Variants in RNF32 observed in about 807,000 individuals in gnomAD.
The protein encoded by RNF32 is ring finger protein 32.
Under a neutral mutation model 41.0 loss-of-function variants are expected in RNF32, and 36 were observed. The ratio of observed to expected loss-of-function variants is 0.88; its 90% CI spans 0.67 to 1.16. The LOEUF is 1.16. RNF32 is among the 50% of genes most tolerant of loss of function. RNF32 has a pLI of 0.00. For missense variants in RNF32, 413 were observed against 436.7 expected (o/e 0.95, Z 0.48); for synonymous variants, 154 against 160.9 (o/e 0.96, Z 0.32).
Position 156,644,402 on chromosome 7 carries a change from T to C in RNF32, c.16-97T>C, listed in dbSNP as rs185017885. On this transcript the variant is annotated intron_variant, in intron 2 of 8. Transcript: ENST00000317955. ...CATTCCTTACTATTTGATTTGGTTG[T>C]ATGTGCCATCAAGGTTGAGTATTGA... 2.0e-5 allele frequency: 18 copies of C among 898,116 alleles called. No individual in the cohort carries two copies. The African/African-American group carries it at 2.4e-4, about 12-fold the overall frequency. The allele number at this position is 898,116 out of a possible 1,614,324, so 55.6% of individuals were successfully genotyped here.
Position 156,670,016 on chromosome 7 carries a change from C to A in RNF32, c.685-5680C>A, listed in dbSNP as rs562315279. Among the ~76,000 whole-genome samples the A allele has an allele frequency of 3.9e-5, 6 of 152,304 alleles. No individual in the cohort carries two copies. The South Asian group carries it at 1.2e-3, about 32-fold the overall frequency. On this transcript the variant is annotated intron_variant, in intron 7 of 8. Transcript: ENST00000317955. The surrounding 1 kb of genome is among the most constrained non-coding windows in gnomAD (Gnocchi z 4.3). ...CTGTATGTACTTCTGTGGCCTCTCT[C>A]TCCAGTGGTCATGTAGTTTTTTTTA...
intron 7 of RNF32, among the ~76,000 whole-genome samples, chr7:156,665,845 A>G (rs182149816): frequency 1.3e-5 from 2 of 152,322 alleles, no homozygotes; most frequent in African/African-American, 4.8e-5. Flanking sequence ...AAAAAACAAA[A>G]CACCACGTAC....
At chr7:156,672,309 A>C (rs1052127307) in intron 7 of RNF32, among the ~76,000 whole-genome samples, 1 of 152,094 alleles carries the variant, frequency 6.6e-6, no homozygotes, top group African/African-American at 2.4e-5. Flanking sequence ...ACAGGTGCAA[A>C]ACCCTTTAAA....
chr7:156,651,214 TC>T (rs1208563604), intron 3 of RNF32, among the ~76,000 whole-genome samples: 1 of 145,196 alleles, frequency 6.9e-6, no homozygotes, highest in African/African-American at 2.6e-5. Flanking sequence ...TTTTAATATT[TC>T]TTTTTTTTTT....
At chr7:156,663,351 C>A (rs1357249727) in intron 7 of RNF32, among the ~76,000 whole-genome samples, 4 of 152,054 alleles carry the variant, frequency 2.6e-5, no homozygotes, top group African/African-American at 9.7e-5. Context: ...ATATGTTATG[C>A]ATATTATATA....
rs1799907344 is a variant in RNF32, at chr7:156,657,561, T to C, written c.438T>C (p.His146=). The change falls in exon 5 of 9, where the codon CAT becomes CAC. Residue 146 remains histidine (H), a synonymous_variant. Transcript: ENST00000317955. ...AACAGGTGCTGCTTTCATGCTCCCA[T>C]GTGTTCCACAAAGTAAGTCCACCCC... The part of the protein sequence containing the change: ...LRPQVLLSCS[H]VFHKACLQAF... 6.2e-6 allele frequency: 10 copies of C among 1,614,212 alleles called. No homozygotes were observed. The highest frequency in any genetic ancestry group is 1.1e-5 in the South Asian group (1 of 91,086).
intron 3 of RNF32, chr7:156,646,592 AC>A (rs1405456777): frequency 2.0e-6 from 2 of 980,946 alleles, no homozygotes; most frequent in African/African-American, 3.3e-5. Flanking sequence ...ACACAATTCA[AC>A]CCAGTACATC....
rs571683422 is a variant in RNF32 at position 156,661,299 on chromosome 7, G to A, written c.684+2729G>A. On this transcript the variant is annotated intron_variant, in intron 7 of 8. Transcript: ENST00000317955. ...GGCCCCCTTGGCCAAGAGGGGGTTC[G>A]TTCTGTTGCTGGGGGCCTTAGGATT... 3.4e-3 allele frequency among the ~76,000 whole-genome samples: 510 copies of A among 150,226 alleles called. 5 individuals are homozygous for A. Among genetic ancestry groups the A allele is most frequent in the African/African-American group, 0.011 (451 of 40,712 alleles).
chr7:156,655,134 A>C (rs564663990), intron 4 of RNF32, among the ~76,000 whole-genome samples: 5 of 152,324 alleles, frequency 3.3e-5, no homozygotes, highest in Admixed American at 2.6e-4. Flanking sequence ...TTTGTGAGAG[A>C]ATCTTTAAGA....
intron 3 of RNF32, among the ~76,000 whole-genome samples, chr7:156,650,127 G>T (rs1381798445): frequency 6.6e-6 from 1 of 152,208 alleles, no homozygotes; most frequent in Non-Finnish European, 1.5e-5. Context: ...GCTTAATGGT[G>T]TGTGTCATTG....
chr7:156,675,613 A>G (rs1563103496), intron 7 of RNF32, 83 bp from the exon 8 acceptor site: 1 of 1,181,946 alleles, frequency 8.5e-7, no homozygotes, highest in East Asian at 2.4e-5. Flanking sequence ...GGTTACCAAA[A>G]TAGATGGTCA....
In RNF32 at chr7:156,669,231, A is replaced by G. The variant is rs1207803140; in HGVS notation, c.685-6465A>G. 1 of 152,244 alleles carries G rather than the reference A, an allele frequency of 6.6e-6. No individual in the cohort carries two copies. Among genetic ancestry groups the G allele is most frequent in the African/African-American group, 2.4e-5 (1 of 41,450 alleles). The allele number at this position is 152,244 out of a possible 1,614,324, so 9.4% of individuals were successfully genotyped here. A position where few individuals can be genotyped will look rare whatever the true frequency, so the allele number is the denominator to read the frequency against. Reference sequence around the variant, plus strand: ...CCAGCCGGCGTGCCTGTCTAGGTGCATGTGGAGGCCGCTCGGGTGGTTCGC... The same window carrying G: ...CCAGCCGGCGTGCCTGTCTAGGTGCGTGTGGAGGCCGCTCGGGTGGTTCGC... On this transcript the variant is annotated intron_variant, in intron 7 of 8. Coordinates refer to ENST00000317955, the MANE Select transcript of RNF32 (RefSeq NM_030936.4). This position sits in a 1 kb window ranked among gnomAD's most constrained non-coding sequence, Gnocchi z 4.2.
At chr7:156,656,435 T>A (rs1320465234) in intron 4 of RNF32, among the ~76,000 whole-genome samples, 2 of 152,184 alleles carry the variant, frequency 1.3e-5, no homozygotes, top group South Asian at 4.1e-4. Flanking sequence ...CTATAAAGAA[T>A]GAATTAAGTA....
chr7:156,667,363 T>G (rs1330428021), intron 7 of RNF32, among the ~76,000 whole-genome samples: 1 of 152,242 alleles, frequency 6.6e-6, no homozygotes, highest in Non-Finnish European at 1.5e-5. Flanking sequence ...TTTAGCCAGC[T>G]TGTTACTTGT....
At chr7:156,658,866 CA>C (rs1475627654) in intron 7 of RNF32, 1 of 1,541,664 alleles carries the variant, frequency 6.5e-7, no homozygotes, top group African/African-American at 1.4e-5. Context: ...TCTTCAGACA[CA>C]AGACTGGAAA....
intron 3 of RNF32, among the ~76,000 whole-genome samples, chr7:156,653,527 T>G (rs779881981): frequency 1.8e-4 from 28 of 152,236 alleles, no homozygotes; most frequent in Non-Finnish European, 3.1e-4. Context: ...CTCGAAAGTG[T>G]CCCTTCATAG....
chr7:156,657,776 A>T, intron 5 of RNF32: 2 of 621,922 alleles, frequency 3.2e-6, no homozygotes, highest in Non-Finnish European at 5.7e-6. Context: ...AAGAACCACA[A>T]ATGTTTATGT....
At chr7:156,671,584 A>G (rs751691212) in intron 7 of RNF32, among the ~76,000 whole-genome samples, 1 of 151,580 alleles carries the variant, frequency 6.6e-6, no homozygotes, top group South Asian at 2.1e-4. Flanking sequence ...TTTATGTTTT[A>G]TAAGTTCAGC....
At chr7:156,676,116 A>G in intron 8 of RNF32, 2 of 846,638 alleles carry the variant, frequency 2.4e-6, no homozygotes, top group Admixed American at 2.9e-5. Context: ...GACTTTCCTC[A>G]TGGGCTTTAG....
Sources: gnomAD v4.1 joint callset for allele counts (sites outside exome capture counted in the v4.1 genomes callset) on GRCh38, gnomAD v4.1.1 for gene constraint, Gnocchi (gnomAD v3.1) non-coding constraint, MANE v1.5 for transcripts, NCBI Gene and HGNC (gene_info 2026-07-23, HGNC 2026-07-21) for gene names.